RGS6: variants seen among roughly 807,000 people sequenced by gnomAD.
RGS6 encodes the protein regulator of G-protein signaling 6.
In RGS6, 30 loss-of-function variants were observed where a neutral mutation model predicts 78.5. That is an observed-to-expected ratio of 0.38 (90% CI 0.29 to 0.52). The LOEUF is 0.52. Ranked by LOEUF, RGS6 falls within the 20% of genes least tolerant of loss-of-function variation. The pLI is 0.85. For synonymous variants in RGS6, 206 were observed against 206.0 expected (o/e 1.00, Z 0.00); for missense variants, 495 against 609.7 (o/e 0.81, Z 1.98).
intron 2 of RGS6, among the ~76,000 whole-genome samples, chr14:72,295,943 T>C (rs1215890903): frequency 6.6e-6 from 1 of 152,268 alleles, no homozygotes; most frequent in Non-Finnish European, 1.5e-5. Context: ...GTGTTGACTA[T>C]ACTTACGTAA....
chr14:72,377,764 G>A (rs1173104226), intron 3 of RGS6, among the ~76,000 whole-genome samples: 1 of 152,134 alleles, frequency 6.6e-6, no homozygotes, highest in Non-Finnish European at 1.5e-5. Flanking sequence ...GATTGTTTGA[G>A]CCCAAGAGTT....
chr14:72,069,035 A>C (rs1163183637), intron 2 of RGS6, among the ~76,000 whole-genome samples: 1 of 151,820 alleles, frequency 6.6e-6, no homozygotes, highest in Non-Finnish European at 1.5e-5. Flanking sequence ...GCAGTGGCGC[A>C]ATCTTGGCTC....
At chr14:72,413,966 G>T (rs1759340587) in intron 3 of RGS6, among the ~76,000 whole-genome samples, 1 of 152,140 alleles carries the variant, frequency 6.6e-6, no homozygotes, top group Non-Finnish European at 1.5e-5. Context: ...TTTCCTTTGT[G>T]GGTAACCCGA....
rs184313137 is a variant in RGS6 at position 71,940,467 on chromosome 14, T to C, written c.-21+7526T>C. On this transcript the variant is annotated intron_variant, in intron 1 of 17. Coordinates refer to ENST00000553525, the MANE Select transcript of RGS6 (RefSeq NM_001204424.2). Reference sequence around the variant, plus strand: ...CCATTCAACCTAGAAGTTTTCTGTTTGTGTAATTGAAGTAGGAATGCAGTA... The same window carrying C: ...CCATTCAACCTAGAAGTTTTCTGTTCGTGTAATTGAAGTAGGAATGCAGTA... 1.8e-3 allele frequency among the ~76,000 whole-genome samples: 272 copies of C among 152,350 alleles called. 1 individual carries two copies. The highest frequency in any genetic ancestry group is 3.5e-4 in the Non-Finnish European group (24 of 68,024).
chr14:72,139,102 A>G (rs546481955), intron 2 of RGS6, among the ~76,000 whole-genome samples: 101 of 152,270 alleles, frequency 6.6e-4, no homozygotes, highest in African/African-American at 2.4e-3. Flanking sequence ...GACCAATCGA[A>G]TGCCTTCATT....
At chr14:72,115,786 G>A (rs987414025) in intron 2 of RGS6, among the ~76,000 whole-genome samples, 2 of 152,196 alleles carry the variant, frequency 1.3e-5, no homozygotes, top group Non-Finnish European at 2.9e-5. Context: ...GAGAAATCTG[G>A]GAAACACAGT....
intron 15 of RGS6, among the ~76,000 whole-genome samples, chr14:72,524,217 AG>A (rs2097091118): frequency 6.6e-6 from 1 of 152,210 alleles, no homozygotes; most frequent in Non-Finnish European, 1.5e-5. Flanking sequence ...AAAGGATGTA[AG>A]AACTGAATTT....
intron 3 of RGS6, among the ~76,000 whole-genome samples, chr14:72,432,775 G>T (rs542799297): frequency 6.6e-6 from 1 of 152,186 alleles, no homozygotes; most frequent in South Asian, 2.1e-4. Flanking sequence ...CTACCCTTTT[G>T]GTTGTTGTTT....
At chr14:72,411,306 C>G (rs2093396647) in intron 3 of RGS6, among the ~76,000 whole-genome samples, 1 of 152,054 alleles carries the variant, frequency 6.6e-6, no homozygotes, top group Non-Finnish European at 1.5e-5. Context: ...AGTTGGATTC[C>G]TAGGTATTTT....
chr14:72,606,031 C>A, the RGS6 span, among the ~76,000 whole-genome samples: 1 of 152,104 alleles, frequency 6.6e-6, no homozygotes, highest in Non-Finnish European at 1.5e-5. Flanking sequence ...CCACCCTTGT[C>A]CCCCGAGACC....
chr14:72,457,605 C>T (rs2095665568), intron 4 of RGS6, among the ~76,000 whole-genome samples: 1 of 151,276 alleles, frequency 6.6e-6, no homozygotes, highest in Non-Finnish European at 1.5e-5. Context: ...TTTCTATGTG[C>T]ATCTATTTAT....
chr14:72,327,001 C>T (rs993466547), intron 2 of RGS6, among the ~76,000 whole-genome samples: 4 of 152,210 alleles, frequency 2.6e-5, no homozygotes, highest in African/African-American at 9.7e-5. Context: ...GCCGTTGCGC[C>T]CGGCCAGGTA....
intron 2 of RGS6, among the ~76,000 whole-genome samples, chr14:72,182,223 C>T (rs2097182230): frequency 6.6e-6 from 1 of 152,014 alleles, no homozygotes; most frequent in Non-Finnish European, 1.5e-5. Context: ...TCCTGGCTAA[C>T]ATGGTGAAAC....
At chr14:72,026,865 G>A (rs906518853) in intron 2 of RGS6, among the ~76,000 whole-genome samples, 1 of 152,220 alleles carries the variant, frequency 6.6e-6, no homozygotes, top group Non-Finnish European at 1.5e-5. Context: ...AGAGACAATA[G>A]CACAGGTAAG....
intron 2 of RGS6, among the ~76,000 whole-genome samples, chr14:72,153,553 A>G (rs1052398389): frequency 1.3e-5 from 2 of 152,132 alleles, no homozygotes; most frequent in Non-Finnish European, 2.9e-5. Context: ...GGTTCTTTCT[A>G]TTTTCCATAA....
intron 2 of RGS6, among the ~76,000 whole-genome samples, chr14:72,199,847 T>A (rs1425845590): frequency 6.6e-6 from 1 of 152,066 alleles, no homozygotes; most frequent in African/African-American, 2.4e-5. Context: ...CAGCCCACAG[T>A]CTGTTTTTGT....
At chr14:71,906,132 A>G in the RGS6 span, among the ~76,000 whole-genome samples, 1 of 152,234 alleles carries the variant, frequency 6.6e-6, no homozygotes, top group Non-Finnish European at 1.5e-5. Flanking sequence ...CAGAGCAAGG[A>G]GATAAATACA....
chr14:72,269,368 C>T (rs996554908), intron 2 of RGS6, among the ~76,000 whole-genome samples: 16 of 152,220 alleles, frequency 1.1e-4, no homozygotes, highest in East Asian at 3.9e-4. Flanking sequence ...TCCTAGCCCA[C>T]GTTATCTCTG....
At chr14:72,120,979 AT>A (rs1218141095) in intron 2 of RGS6, among the ~76,000 whole-genome samples, 2 of 152,204 alleles carry the variant, frequency 1.3e-5, no homozygotes, top group Non-Finnish European at 2.9e-5. Flanking sequence ...GAGTTTGAAG[AT>A]TCTTGGAGGG....
Sources: gnomAD v4.1 joint callset for allele counts (sites outside exome capture counted in the v4.1 genomes callset) on GRCh38, gnomAD v4.1.1 for gene constraint, MANE v1.5 for transcripts, NCBI Gene and HGNC (gene_info 2026-07-23, HGNC 2026-07-21) for gene names.